GALNTL6: variants seen among roughly 807,000 people sequenced by gnomAD.
The protein encoded by GALNTL6 is polypeptide N-acetylgalactosaminyltransferase-like 6.
GALNTL6 carries 46 observed loss-of-function variants against 73.7 expected under a neutral mutation model. The ratio of observed to expected loss-of-function variants is 0.62; its 90% CI spans 0.49 to 0.80. The LOEUF is 0.80. Among genes scored for constraint, GALNTL6 ranks in the 30% least tolerant of loss-of-function variants. The probability of loss-of-function intolerance (pLI) is 0.00; values close to 1 mark genes in which losing one functional copy is unlikely to be tolerated. For missense variants in GALNTL6, 604 were observed against 755.0 expected (o/e 0.80, Z 2.34); for synonymous variants, 259 against 263.7 (o/e 0.98, Z 0.17).
intron 4 of GALNTL6, among the ~76,000 whole-genome samples, chr4:172,339,160 A>G (rs1741452422): frequency 6.6e-6 from 1 of 151,816 alleles, no homozygotes; most frequent in African/African-American, 2.4e-5. Context: ...TGTTCTCTGA[A>G]TGTCTGGAGA....
chr4:172,194,086 C>G (rs1359206586), intron 2 of GALNTL6, among the ~76,000 whole-genome samples: 1 of 152,086 alleles, frequency 6.6e-6, no homozygotes, highest in Non-Finnish European at 1.5e-5. Flanking sequence ...AGCTAAGAAC[C>G]ATGATAAAAC....
intron 5 of GALNTL6, among the ~76,000 whole-genome samples, chr4:172,763,889 GACTAATAA>G (rs1456677975): frequency 3.1e-4 from 47 of 151,134 alleles, no homozygotes; most frequent in East Asian, 2.5e-3. Context: ...AAATATCAAT[GACTAATAA>G]ACAAATGAAG....
chr4:171,941,628 G>T (rs916994938), intron 2 of GALNTL6, among the ~76,000 whole-genome samples: 8 of 152,008 alleles, frequency 5.3e-5, no homozygotes, highest in Non-Finnish European at 1.2e-4. Context: ...CCTTTAGATG[G>T]CCAGGGTTCT....
intron 5 of GALNTL6, among the ~76,000 whole-genome samples, chr4:172,691,555 T>C (rs1195848875): frequency 6.6e-6 from 1 of 152,194 alleles, no homozygotes. Flanking sequence ...AACACTGCTG[T>C]CATTACTGCT....
chr4:172,812,869 G>A (rs1305675465), intron 6 of GALNTL6, among the ~76,000 whole-genome samples: 1 of 152,170 alleles, frequency 6.6e-6, no homozygotes, highest in Non-Finnish European at 1.5e-5. Context: ...AGTTGTTCAA[G>A]AATTTAAGAG....
intron 2 of GALNTL6, among the ~76,000 whole-genome samples, chr4:171,853,768 C>T (rs542782619): frequency 5.1e-4 from 77 of 151,766 alleles, no homozygotes; most frequent in African/African-American, 1.6e-3. Context: ...CCCACCACCA[C>T]GCCCAGCTAA....
chr4:172,818,693 G>A (rs1338134805), intron 7 of GALNTL6, among the ~76,000 whole-genome samples: 2 of 152,112 alleles, frequency 1.3e-5, no homozygotes, highest in African/African-American at 4.8e-5. Context: ...CTGCCTCCTG[G>A]GTTCAAGTGA....
intron 2 of GALNTL6, among the ~76,000 whole-genome samples, chr4:172,219,949 T>G (rs190916943): frequency 6.6e-6 from 1 of 152,006 alleles, no homozygotes; most frequent in East Asian, 1.9e-4. Context: ...GTGAAATACT[T>G]TTTTAGAATG....
intron 2 of GALNTL6, among the ~76,000 whole-genome samples, chr4:172,065,429 G>T (rs1342437598): frequency 1.3e-5 from 2 of 152,098 alleles, no homozygotes; most frequent in African/African-American, 4.8e-5. Context: ...CCCAGGGGTT[G>T]GGGACCCCTG....
chr4:172,960,002 A>G (rs1684075662), intron 10 of GALNTL6, among the ~76,000 whole-genome samples: 2 of 152,126 alleles, frequency 1.3e-5, no homozygotes, highest in African/African-American at 2.4e-5. Flanking sequence ...ATTATTGTAC[A>G]CCTTAAAGGT....
At chr4:172,590,522 T>A (rs566383740) in intron 5 of GALNTL6, among the ~76,000 whole-genome samples, 7 of 152,256 alleles carry the variant, frequency 4.6e-5, no homozygotes, top group African/African-American at 1.7e-4. Flanking sequence ...CCTTTTGTAA[T>A]CTTTGTCCAT....
intron 8 of GALNTL6, among the ~76,000 whole-genome samples, chr4:172,921,458 A>G (rs532797526): frequency 6.6e-6 from 1 of 152,314 alleles, no homozygotes; most frequent in South Asian, 2.1e-4. Flanking sequence ...AAATAAGACA[A>G]ACATTTAATT....
intron 4 of GALNTL6, among the ~76,000 whole-genome samples, chr4:172,328,301 T>C (rs1741012054): frequency 6.6e-6 from 1 of 152,278 alleles, no homozygotes; most frequent in South Asian, 2.1e-4. Flanking sequence ...CCTGCCCTTT[T>C]GCCCTAGCTG....
At chr4:172,766,067 G>C (rs1738389948) in intron 5 of GALNTL6, among the ~76,000 whole-genome samples, 1 of 152,110 alleles carries the variant, frequency 6.6e-6, no homozygotes, top group East Asian at 1.9e-4. Flanking sequence ...CAGAAATGAA[G>C]AGAATGAAGA....
intron 5 of GALNTL6, among the ~76,000 whole-genome samples, chr4:172,445,981 G>A (rs971456203): frequency 9.2e-5 from 14 of 152,038 alleles, no homozygotes; most frequent in African/African-American, 1.7e-4. Context: ...GAAACAAGAC[G>A]TTATCCCTAC....
intron 2 of GALNTL6, among the ~76,000 whole-genome samples, chr4:171,867,719 T>G (rs1736007931): frequency 6.6e-6 from 1 of 152,224 alleles, no homozygotes; most frequent in Non-Finnish European, 1.5e-5. Context: ...TGTCTTCAGA[T>G]GCAGTCCACA....
intron 5 of GALNTL6, among the ~76,000 whole-genome samples, chr4:172,643,525 A>C (rs74953501): frequency 0.032 from 4,820 of 152,100 alleles, 128 homozygotes; most frequent in South Asian, 0.093. Flanking sequence ...TATTGCTAGA[A>C]TATTACCAGC....
chr4:172,347,571 A>G (rs1018369506), intron 4 of GALNTL6, among the ~76,000 whole-genome samples: 5 of 152,160 alleles, frequency 3.3e-5, no homozygotes, highest in Non-Finnish European at 7.3e-5. Context: ...TTTCATTAAC[A>G]CTATTTTCCA....
intron 5 of GALNTL6, among the ~76,000 whole-genome samples, chr4:172,469,968 A>T (rs532698075): frequency 6.6e-6 from 1 of 152,334 alleles, no homozygotes; most frequent in East Asian, 1.9e-4. Flanking sequence ...GAAGAAATGT[A>T]GCACAGCTGC....
Sources: allele counts gnomAD v4.1 joint callset (sites outside exome capture counted in the v4.1 genomes callset), GRCh38; gene constraint gnomAD v4.1.1; transcripts MANE v1.5; gene names NCBI Gene and HGNC (gene_info 2026-07-23, HGNC 2026-07-21).